ICA1L: variants seen among roughly 807,000 people sequenced by gnomAD.
ICA1L encodes islet cell autoantigen 1 like.
Under a neutral mutation model 61.3 loss-of-function variants are expected in ICA1L, and 50 were observed. The observed-to-expected ratio is 0.82, with a 90% CI of 0.65 to 1.03. ICA1L has a LOEUF of 1.03. ICA1L is among the 50% of genes least tolerant of loss of function. The probability of loss-of-function intolerance (pLI) is 0.00; values close to 1 mark genes in which losing one functional copy is unlikely to be tolerated. For missense variants in ICA1L, 508 were observed against 556.7 expected, an observed-to-expected ratio of 0.91 and a Z score of 0.88; for synonymous variants, 161 against 191.3, an observed-to-expected ratio of 0.84 and a Z score of 1.31.
intron 11 of ICA1L, chr2:202,786,815 A>C (rs1455646209): frequency 2.3e-6 from 1 of 443,440 alleles, no homozygotes; most frequent in Non-Finnish European, 4.5e-6. Context: ...GGAAGGAATC[A>C]GGTAGATTAT....
intron 9 of ICA1L, 87 bp from the exon 10 acceptor site, chr2:202,797,051 G>T: frequency 1.3e-6 from 1 of 761,626 alleles, no homozygotes; most frequent in Non-Finnish European, 2.1e-6. Context: ...TAGGTCAAGT[G>T]TTCAATTGAC....
At chr2:202,808,032 C>T (rs187731398) in intron 9 of ICA1L, among the ~76,000 whole-genome samples, 5 of 152,220 alleles carry the variant, frequency 3.3e-5, no homozygotes, top group Non-Finnish European at 7.4e-5. Flanking sequence ...TCAGGTGTGA[C>T]CCAGTGCATT....
chr2:202,861,208 C>A (rs1477026810), intron 1 of ICA1L, among the ~76,000 whole-genome samples: 2 of 151,388 alleles, frequency 1.3e-5, no homozygotes, highest in Non-Finnish European at 2.9e-5. Flanking sequence ...GACTGGGGGA[C>A]AGGGCGAGAC....
rs111926648 is a variant in ICA1L, at chr2:202,783,185, C to T, written c.1333+2733G>A. On this transcript the variant is annotated intron_variant, in intron 12 of 12. Coordinates refer to ENST00000358299, the MANE Select transcript of ICA1L (RefSeq NM_001288622.3). ...GAAAATCACCGTTTGGCAACAACTA[C>T]AGTAATAAATATTTCATGGAAGAAT... is the stretch of plus-strand genomic sequence containing the variant. 2.4e-3 allele frequency among the ~76,000 whole-genome samples: 359 copies of T among 152,240 alleles called. 1 individual carries two copies. The highest frequency in any genetic ancestry group is 4.0e-3 in the Non-Finnish European group (272 of 68,014).
intron 1 of ICA1L, among the ~76,000 whole-genome samples, chr2:202,847,554 G>A (rs997377009): frequency 1.3e-5 from 2 of 151,826 alleles, no homozygotes; most frequent in Non-Finnish European, 2.9e-5. Flanking sequence ...TACGAATAAT[G>A]AAGTAAATGG....
intron 9 of ICA1L, among the ~76,000 whole-genome samples, chr2:202,811,483 C>CTT: frequency 6.6e-6 from 1 of 151,758 alleles, no homozygotes; most frequent in South Asian, 2.1e-4. Context: ...TACAGTGAAA[C>CTT]CCTGTCTCTA....
At position 202,776,840 on chromosome 2, in the gene ICA1L, G is replaced by A. The variant is rs1263183821; in HGVS notation, c.*2693C>T. The A allele has an allele frequency of 1.3e-5, 2 of 151,970 alleles. No individual in the cohort carries two copies. Among genetic ancestry groups the A allele is most frequent in the Non-Finnish European group, 2.9e-5 (2 of 68,016 alleles). The allele number at this position is 151,970 out of a possible 1,614,324, so 9.4% of individuals were successfully genotyped here. On this transcript the variant is annotated 3_prime_UTR_variant, in exon 13 of 13. Coordinates refer to ENST00000358299, the MANE Select transcript of ICA1L (RefSeq NM_001288622.3). ...AAAGTCCCTTGTATGTCTCCATTTC[G>A]GGAGAACTTTTGCTTTTGGAAAATT...
At chr2:202,825,644 T>A (rs767167311) in intron 3 of ICA1L, 51 bp downstream of exon 3, 34 of 1,359,762 alleles carry the variant, frequency 2.5e-5, no homozygotes, top group Admixed American at 2.1e-4. Context: ...TAAAAAATGC[T>A]AATATTTATT....
intron 12 of ICA1L, among the ~76,000 whole-genome samples, chr2:202,783,441 C>G (rs1692475238): frequency 6.6e-6 from 1 of 152,204 alleles, no homozygotes; most frequent in African/African-American, 2.4e-5. Flanking sequence ...TACTAAGGCA[C>G]AACACCATTC....
intron 11 of ICA1L, 116 bp downstream of exon 11, chr2:202,788,714 A>T: frequency 1.0e-6 from 1 of 997,364 alleles, no homozygotes; most frequent in Non-Finnish European, 1.5e-6. Context: ...GATTTTATCT[A>T]GTAGTGCTGA....
chr2:202,843,319 A>G (rs1694378631), intron 1 of ICA1L, among the ~76,000 whole-genome samples: 1 of 152,162 alleles, frequency 6.6e-6, no homozygotes, highest in Non-Finnish European at 1.5e-5. Flanking sequence ...TTCTGGCACT[A>G]GTCAGGGTGC....
At chr2:202,814,246 A>G (rs944507068) in intron 8 of ICA1L, among the ~76,000 whole-genome samples, 14 of 152,138 alleles carry the variant, frequency 9.2e-5, no homozygotes, top group African/African-American at 3.4e-4. Context: ...ATTGGGGCAG[A>G]TCTCTCATGA....
intron 1 of ICA1L, among the ~76,000 whole-genome samples, chr2:202,859,814 C>T (rs1439184932): frequency 6.6e-6 from 1 of 152,052 alleles, no homozygotes; most frequent in Non-Finnish European, 1.5e-5. Flanking sequence ...ATCATTATAC[C>T]TATAGAACCC....
At chr2:202,803,223 C>T (rs1431444184) in intron 9 of ICA1L, among the ~76,000 whole-genome samples, 3 of 151,886 alleles carry the variant, frequency 2.0e-5, no homozygotes, top group African/African-American at 7.3e-5. Flanking sequence ...GCCTGGCCAA[C>T]ATGGCCAGAC....
At chr2:202,856,308 T>C (rs1351299926) in intron 1 of ICA1L, among the ~76,000 whole-genome samples, 1 of 152,144 alleles carries the variant, frequency 6.6e-6, no homozygotes, top group Non-Finnish European at 1.5e-5. Flanking sequence ...ATCCCTGGGA[T>C]GAAAGGCTGG....
intron 1 of ICA1L, among the ~76,000 whole-genome samples, chr2:202,847,524 T>C (rs903902154): frequency 6.6e-6 from 1 of 152,062 alleles, no homozygotes; most frequent in Admixed American, 6.6e-5. Flanking sequence ...ATCTCTCTTT[T>C]AGTTTCCTCA....
At chr2:202,833,968 A>G (rs1694080002) in intron 1 of ICA1L, among the ~76,000 whole-genome samples, 1 of 152,178 alleles carries the variant, frequency 6.6e-6, no homozygotes, top group Middle Eastern at 3.2e-3. Flanking sequence ...TTCAGTTAGG[A>G]GGAGTAAGTT....
At chr2:202,802,643 GA>G (rs934245072) in intron 9 of ICA1L, among the ~76,000 whole-genome samples, 3 of 148,494 alleles carry the variant, frequency 2.0e-5, no homozygotes, top group Non-Finnish European at 4.5e-5. Flanking sequence ...CTCAAAAAAA[GA>G]AAAAAAAAGT....
chr2:202,864,165 A>G (rs1266883177), intron 1 of ICA1L, among the ~76,000 whole-genome samples: 1 of 152,216 alleles, frequency 6.6e-6, no homozygotes, highest in Non-Finnish European at 1.5e-5. Flanking sequence ...AGGAAAGAAT[A>G]GTTCCCAATT....
Sources: gnomAD v4.1 joint callset for allele counts (sites outside exome capture counted in the v4.1 genomes callset) on GRCh38, gnomAD v4.1.1 for gene constraint, MANE v1.5 for transcripts, NCBI Gene and HGNC (gene_info 2026-07-23, HGNC 2026-07-21) for gene names.